Variants in ATP10A observed in about 807,000 individuals in gnomAD.
The protein encoded by ATP10A is ATPase phospholipid transporting 10A (putative), also known as phospholipid-transporting ATPase VA.
A neutral mutation model predicts 147.8 loss-of-function variants in ATP10A; 111 were observed. That is an observed-to-expected ratio of 0.75 (90% CI 0.64 to 0.88). The LOEUF is 0.88. ATP10A is among the 40% of genes least tolerant of loss of function. ATP10A has a pLI of 0.00. For synonymous variants in ATP10A, 875 were observed against 841.6 expected (o/e 1.04, Z -0.69); for missense variants, 1,927 against 1,959.0 (o/e 0.98, Z 0.31).
intron 1 of ATP10A, among the ~76,000 whole-genome samples, chr15:25,797,913 A>G (rs924855318): frequency 5.9e-5 from 9 of 152,160 alleles, no homozygotes; most frequent in Admixed American, 2.0e-4. Flanking sequence ...ACAGGGATTA[A>G]ACTGAAAGTG....
chr15:25,762,660 C>A (rs1475273627), intron 2 of ATP10A, among the ~76,000 whole-genome samples: 5 of 152,288 alleles, frequency 3.3e-5, no homozygotes, highest in Admixed American at 6.5e-5. Flanking sequence ...TAGCTCACTG[C>A]AAACTAGAAC....
At chr15:25,774,039 GT>G (rs11382751) in intron 2 of ATP10A, among the ~76,000 whole-genome samples, 4,095 of 147,634 alleles carry the variant, frequency 0.028, 226 homozygotes, top group Admixed American at 0.14. Context: ...TTAAATTCCC[GT>G]TTTTTTTTTT....
intron 1 of ATP10A, among the ~76,000 whole-genome samples, chr15:25,856,449 T>G (rs958793084): frequency 6.6e-6 from 1 of 152,192 alleles, no homozygotes; most frequent in African/African-American, 2.4e-5. Flanking sequence ...TCTTGGGTAT[T>G]TCTTCATAGC....
At chr15:25,770,323 T>C (rs1889271482) in intron 2 of ATP10A, among the ~76,000 whole-genome samples, 1 of 152,172 alleles carries the variant, frequency 6.6e-6, no homozygotes. Context: ...GACGCTGCTC[T>C]GCAGAGATGG....
chr15:25,743,613 A>G (rs933582592), intron 2 of ATP10A, among the ~76,000 whole-genome samples: 3 of 152,190 alleles, frequency 2.0e-5, no homozygotes, highest in South Asian at 4.1e-4. Context: ...CGGGGCCTAT[A>G]TTAGTTGCCT....
At chr15:25,804,808 A>T (rs1891107213) in intron 1 of ATP10A, among the ~76,000 whole-genome samples, 1 of 152,240 alleles carries the variant, frequency 6.6e-6, no homozygotes, top group Admixed American at 6.5e-5. Flanking sequence ...AATATTTAAC[A>T]TATTTCAAAT....
chr15:25,853,606 C>G (rs910524246), intron 1 of ATP10A, among the ~76,000 whole-genome samples: 1 of 152,042 alleles, frequency 6.6e-6, no homozygotes, highest in East Asian at 1.9e-4. Flanking sequence ...TCTACCAACA[C>G]GTCGGGAAGG....
At chr15:25,749,233 A>G (rs1316750417) in intron 2 of ATP10A, among the ~76,000 whole-genome samples, 3 of 152,184 alleles carry the variant, frequency 2.0e-5, no homozygotes, top group Non-Finnish European at 4.4e-5. Context: ...ACTATTTGTA[A>G]TAAGCTAACA....
chr15:25,786,504 G>A (rs940544811), intron 1 of ATP10A, among the ~76,000 whole-genome samples: 3 of 151,938 alleles, frequency 2.0e-5, no homozygotes, highest in African/African-American at 7.3e-5. Flanking sequence ...CTTCAGAAGT[G>A]GACCTCCCCT....
chr15:25,751,317 G>A (rs1018866664), intron 2 of ATP10A, among the ~76,000 whole-genome samples: 1 of 152,080 alleles, frequency 6.6e-6, no homozygotes, highest in East Asian at 1.9e-4. Context: ...TCTGCATTAT[G>A]TTCAGAGGTT....
intron 1 of ATP10A, among the ~76,000 whole-genome samples, chr15:25,808,069 C>A (rs1020899761): frequency 2.0e-5 from 3 of 152,178 alleles, no homozygotes; most frequent in African/African-American, 7.2e-5. Flanking sequence ...GAACACACCT[C>A]GAGATTTAAC....
intron 3 of ATP10A, among the ~76,000 whole-genome samples, chr15:25,731,339 T>A (rs1234877785): frequency 6.6e-6 from 1 of 152,218 alleles, no homozygotes; most frequent in East Asian, 1.9e-4. Flanking sequence ...CAATTATAAA[T>A]ATGTATGCAT....
At chr15:25,832,301 T>C (rs145087810) in intron 1 of ATP10A, among the ~76,000 whole-genome samples, 236 of 152,300 alleles carry the variant, frequency 1.5e-3, no homozygotes, top group African/African-American at 5.2e-3. Context: ...CCACCTGGTG[T>C]ATGGTAATCT....
Position 25,736,151 on chromosome 15 carries a change from C to T in ATP10A, c.655-10G>A. ...GATTGAATTCGGAGACCTAAAATAA[C>T]AGCACGTAGACATTAGAGAAATCCG... On this transcript the variant is annotated splice_polypyrimidine_tract_variant and intron_variant, in intron 2 of 20. Transcript: ENST00000555815. 5.0e-6 allele frequency: 8 copies of T among 1,610,422 alleles called. No homozygotes were observed. The highest frequency in any genetic ancestry group is 6.8e-6 in the Non-Finnish European group (8 of 1,178,072).
Position 25,847,225 on chromosome 15 carries a change from G to GC in ATP10A, c.449+15422dup, listed in dbSNP as rs1555480184. On this transcript the variant is annotated intron_variant, in intron 1 of 20. Transcript: ENST00000555815. ...ACAGGAGGCTCTGACTGAGCAGCAC[G>GC]CGCAGGCACTCAGCCAGTGGCCCTG... 4.6e-5 allele frequency among the ~76,000 whole-genome samples: 7 copies of GC among 151,706 alleles called. No homozygotes were observed. The East Asian group carries it at 5.8e-4, about 13-fold the overall frequency.
chr15:25,759,028 C>T (rs1466866089), intron 2 of ATP10A, among the ~76,000 whole-genome samples: 1 of 152,232 alleles, frequency 6.6e-6, no homozygotes, highest in Non-Finnish European at 1.5e-5. Flanking sequence ...GCGATCTAAC[C>T]CTAGCCAATG....
rs193011313 is a variant in ATP10A, at chr15:25,732,599, A to G, written c.740+3457T>C. On this transcript the variant is annotated intron_variant, in intron 3 of 20. Transcript: ENST00000555815. ...GAGATGGAGTCTCGCTCTGTCACCCAGGCTGGAGTGCAGTGGTGTGATTCT... is the reference window on the plus strand; with the variant it reads ...GAGATGGAGTCTCGCTCTGTCACCCGGGCTGGAGTGCAGTGGTGTGATTCT... 9.0e-3 allele frequency among the ~76,000 whole-genome samples: 640 copies of G among 71,282 alleles called. 8 individuals carry two copies. Among genetic ancestry groups the G allele is most frequent in the African/African-American group, 0.032 (606 of 19,216 alleles). 46.8% of individuals were successfully genotyped at this position (71,282 alleles called of 152,430 possible).
At chr15:25,793,416 T>G (rs529580286) in intron 1 of ATP10A, among the ~76,000 whole-genome samples, 2 of 152,298 alleles carry the variant, frequency 1.3e-5, no homozygotes, top group South Asian at 4.1e-4. Flanking sequence ...AAGCCTCTTG[T>G]TAAGTTTCTG....
rs74447749 is a variant in ATP10A, at chr15:25,801,324, G to T, written c.450-20101C>A. Among the ~76,000 whole-genome samples, 499 of 152,266 alleles carry T rather than the reference G, an allele frequency of 3.3e-3. 5 individuals carry two copies. Among genetic ancestry groups the T allele is most frequent in the East Asian group, 0.028 (146 of 5,162 alleles). ...CAGCAGAGAAGAGGAGCGAGGGGTG[G>T]GAGCCAGACCCCCAGGGTTACACTG... On this transcript the variant is annotated intron_variant, in intron 1 of 20. Transcript: ENST00000555815.
Sources: allele counts gnomAD v4.1 joint callset (sites outside exome capture counted in the v4.1 genomes callset), GRCh38; gene constraint gnomAD v4.1.1; transcripts MANE v1.5; gene names NCBI Gene and HGNC (gene_info 2026-07-23, HGNC 2026-07-21).